UGCG: variants seen among roughly 807,000 people sequenced by gnomAD.
UGCG encodes the protein ceramide glucosyltransferase.
In UGCG, 10 loss-of-function variants were observed where a neutral mutation model predicts 49.5. That is an observed-to-expected ratio of 0.20 (90% CI 0.12 to 0.34). The LOEUF (loss-of-function observed/expected upper bound fraction) is 0.34. UGCG is among the 10% of genes least tolerant of loss of function. The pLI is 1.00. For missense variants in UGCG, 312 were observed against 483.7 expected, an observed-to-expected ratio of 0.65 and a Z score of 3.33; for synonymous variants, 182 against 158.2, an observed-to-expected ratio of 1.15 and a Z score of -1.13.
Position 111,914,690 on chromosome 9 carries a change from G to C in UGCG, c.184G>C (p.Val62Leu). The change falls in exon 2 of 9, where the codon GTA (valine) becomes CTA (leucine). Residue 62 changes from valine (V) to leucine (L), a missense_variant. Around this residue, in one of 4 missense-constraint regions of UGCG, gnomAD observed 65 missense variants for 74.7 expected, o/e 0.87. Coordinates refer to ENST00000374279, the MANE Select transcript of UGCG (RefSeq NM_003358.3). ...GVSLLKPLKGVDPNLINNLET... is the reference protein window; with the variant it reads ...GVSLLKPLKGLDPNLINNLET... ...CTCTCTTCTGAAACCACTGAAAGGG[G>C]TAGATCCTAACTTAATCAACAACCT... 1 of 1,614,118 alleles carries C rather than the reference G, an allele frequency of 6.2e-7. No individual in the cohort carries two copies. Among genetic ancestry groups the C allele is most frequent in the Non-Finnish European group, 8.5e-7 (1 of 1,180,000 alleles).
At chr9:111,914,449 G>A (rs907029456) in intron 1 of UGCG, among the ~76,000 whole-genome samples, 156 bp from the exon 2 acceptor site, 1 of 152,146 alleles carries the variant, frequency 6.6e-6, no homozygotes, top group South Asian at 2.1e-4. Context: ...TGCTTACCTG[G>A]TTCTACTTCC....
At chr9:111,915,802 C>T in intron 2 of UGCG, 1 of 985,124 alleles carries the variant, frequency 1.0e-6, no homozygotes, top group Non-Finnish European at 1.2e-6. Flanking sequence ...ATAGAGAAGA[C>T]ACAGATGTGA....
At chr9:111,911,929 T>TATATATATATATATATTCAACAGG (rs1838009662) in intron 1 of UGCG, among the ~76,000 whole-genome samples, 1 of 25,750 alleles carries the variant, frequency 3.9e-5, no homozygotes, top group East Asian at 3.0e-3. Flanking sequence ...TATATATATA[T>TATATATATATATATATTCAACAGG]ATATATATAT....
chr9:111,907,951 G>A (rs1837918793), intron 1 of UGCG, among the ~76,000 whole-genome samples: 1 of 152,122 alleles, frequency 6.6e-6, no homozygotes, highest in Admixed American at 6.6e-5. Flanking sequence ...TGTGTCATAG[G>A]AATCACTGTC....
intron 5 of UGCG, among the ~76,000 whole-genome samples, chr9:111,928,741 A>G (rs886853618): frequency 6.6e-6 from 1 of 152,204 alleles, no homozygotes. Flanking sequence ...ACTACTCTTT[A>G]TTTCAGGCTA....
At chr9:111,902,185 G>T (rs1239486681) in intron 1 of UGCG, among the ~76,000 whole-genome samples, 2 of 151,842 alleles carry the variant, frequency 1.3e-5, no homozygotes, top group Non-Finnish European at 2.9e-5. Flanking sequence ...GTTCCTTATT[G>T]GGTTAGGTGC....
chr9:111,925,325 C>G (rs1056695652), intron 4 of UGCG, among the ~76,000 whole-genome samples: 1 of 152,342 alleles, frequency 6.6e-6, no homozygotes, highest in East Asian at 1.9e-4. Context: ...ATGATTTTAG[C>G]AAGAAGCCTT....
chr9:111,924,742 A>G (rs1351313599), intron 3 of UGCG, 35 bp from the exon 4 acceptor site: 3 of 1,176,682 alleles, frequency 2.5e-6, no homozygotes, highest in African/African-American at 1.6e-5. Context: ...TTAATGTTGC[A>G]TAAATCTTTT....
chr9:111,904,334 C>T (rs1460679499), intron 1 of UGCG, among the ~76,000 whole-genome samples: 1 of 152,194 alleles, frequency 6.6e-6, no homozygotes, highest in Non-Finnish European at 1.5e-5. Flanking sequence ...CTCAGCTAAA[C>T]CTGCATTGCG....
intron 1 of UGCG, among the ~76,000 whole-genome samples, chr9:111,897,939 T>G (rs1837695809): frequency 6.7e-6 from 1 of 149,420 alleles, no homozygotes; most frequent in Admixed American, 6.8e-5. Context: ...AGATTTGTAC[T>G]CTCCCCGTGC....
At chr9:111,922,050 C>A (rs962583351) in intron 2 of UGCG, among the ~76,000 whole-genome samples, 6 of 151,614 alleles carry the variant, frequency 4.0e-5, no homozygotes, top group Admixed American at 3.9e-4. Flanking sequence ...TAGGCTCTAG[C>A]AGTCTTCCCA....
At chr9:111,911,935 TATATATATA>T (rs1181167505) in intron 1 of UGCG, among the ~76,000 whole-genome samples, 15 of 27,104 alleles carry the variant, frequency 5.5e-4, no homozygotes, top group East Asian at 2.9e-3. Context: ...TATATATATA[TATATATATA>T]TATATATATA....
At chr9:111,927,085 G>A (rs949655272) in intron 5 of UGCG, among the ~76,000 whole-genome samples, 3 of 151,718 alleles carry the variant, frequency 2.0e-5, no homozygotes, top group South Asian at 2.1e-4. Context: ...TGGCCAGGCC[G>A]GCCTCAAACT....
chr9:111,909,851 A>C (rs1323901002), intron 1 of UGCG, among the ~76,000 whole-genome samples: 1 of 152,158 alleles, frequency 6.6e-6, no homozygotes, highest in Non-Finnish European at 1.5e-5. Flanking sequence ...CTCGTACCCT[A>C]GGGGGTACAC....
rs142052809 is a variant in UGCG at position 111,898,255 on chromosome 9, A to G, written c.98+942A>G. Among the ~76,000 whole-genome samples the G allele has an allele frequency of 3.2e-3, 486 of 152,254 alleles. 3 individuals carry two copies. Among genetic ancestry groups the G allele is most frequent in the African/African-American group, 0.011 (464 of 41,536 alleles). ...GAAATGAAAAAATTATATAGAGCAC[A>G]TTACTGATATCGATTCACTTGGATT... On this transcript the variant is annotated intron_variant, in intron 1 of 8. Coordinates refer to ENST00000374279, the MANE Select transcript of UGCG (RefSeq NM_003358.3).
chr9:111,924,759 G>A lies in UGCG; in HGVS notation c.344-18G>A, dbSNP rs201599713. On this transcript the variant is annotated intron_variant, in intron 3 of 8. Transcript: ENST00000374279. ...AATGTTGCATAAATCTTTTACTACT[G>A]TACCTTTACATTTTTAGGTGGCAAA... The A allele has an allele frequency of 2.4e-4, 336 of 1,381,486 alleles. 2 individuals carry two copies. The African/African-American group carries it at 4.6e-3, about 19-fold the overall frequency. 85.6% of individuals were successfully genotyped at this position (1,381,486 alleles called of 1,614,324 possible). A position where few individuals can be genotyped will look rare whatever the true frequency, so the allele number is the denominator to read the frequency against.
chr9:111,932,827 G>T lies in UGCG; in HGVS notation c.1015G>T (p.Gly339Cys). Reference sequence around the variant, plus strand: ...AAAAAATTTTTTTTTCCATTCCTAGGGTGGCACACTGTGTTTTTCAAAACT... The same window carrying T: ...AAAAAATTTTTTTTTCCATTCCTAGTGTGGCACACTGTGTTTTTCAAAACT... ...FDYIQLRGVQ[G>C]GTLCFSKLDY... is the part of the protein sequence containing the mutation. The change falls in exon 9 of 9, where the codon GGT (glycine) becomes TGT (cysteine). Residue 339 changes from glycine (G) to cysteine (C), a missense_variant and splice_region_variant. Transcript: ENST00000374279. 1 of 1,587,810 alleles carries T rather than the reference G, an allele frequency of 6.3e-7. No homozygotes were observed.
chr9:111,926,339 C>G (rs1267863451), intron 4 of UGCG, 45 bp from the exon 5 acceptor site: 3 of 1,411,330 alleles, frequency 2.1e-6, no homozygotes, highest in Non-Finnish European at 1.9e-6. Flanking sequence ...CTACTAAAAA[C>G]AAATTTTCTT....
In UGCG at chr9:111,896,817, G is replaced by T. The variant is rs962264883; in HGVS notation, c.-399G>T. 3.3e-5 allele frequency: 5 copies of T among 152,022 alleles called. No homozygotes were observed. The highest frequency in any genetic ancestry group is 4.8e-5 in the African/African-American group (2 of 41,476). The allele number at this position is 152,022 out of a possible 1,614,324, so 9.4% of individuals were successfully genotyped here. ...GCGCGAGCCGCCGGTTTTGATTAGT[G>T]CGCGGAGCTGCGGCGGTGGAGCTGC... is the stretch of plus-strand genomic sequence containing the variant. On this transcript the variant is annotated 5_prime_UTR_variant, in exon 1 of 9. Transcript: ENST00000374279.
Sources: allele counts gnomAD v4.1 joint callset (sites outside exome capture counted in the v4.1 genomes callset), GRCh38; gene constraint gnomAD v4.1.1; regional missense constraint gnomAD v4.1.1; transcripts MANE v1.5; gene names NCBI Gene and HGNC (gene_info 2026-07-23, HGNC 2026-07-21).